AEN: variants seen among roughly 807,000 people sequenced by gnomAD.
AEN encodes apoptosis-enhancing nuclease.
In AEN, 21 loss-of-function variants were observed where a neutral mutation model predicts 17.7. The observed-to-expected ratio is 1.19, with a 90% CI of 0.84 to 1.71. The LOEUF is 1.71. AEN is among the 40% of genes most tolerant of loss of function. AEN has a pLI of 0.00. For synonymous variants in AEN, 190 were observed against 173.0 expected (o/e 1.10, Z -0.77); for missense variants, 462 against 435.9 (o/e 1.06, Z -0.53).
the AEN span, among the ~76,000 whole-genome samples, chr15:88,613,761 C>T: frequency 6.6e-6 from 1 of 151,936 alleles, no homozygotes; most frequent in Admixed American, 6.6e-5. Context: ...GTCTCAGATT[C>T]CTCAACTGTG....
chr15:88,620,919 G>A (rs555588707), upstream of AEN, among the ~76,000 whole-genome samples: 176 of 152,280 alleles, frequency 1.2e-3, no homozygotes, highest in African/African-American at 4.1e-3. Flanking sequence ...TGCCTACTGT[G>A]TATATTATTT....
At position 88,626,281 on chromosome 15, in the gene AEN, T is replaced by C; in HGVS notation, c.72T>C (p.Asp24=). The C allele has an allele frequency of 6.2e-7, 1 of 1,613,632 alleles. No individual in the cohort carries two copies. Among genetic ancestry groups the C allele is most frequent in the South Asian group, 1.1e-5 (1 of 91,050 alleles). ...CCCTCACCATCCCAAATGCCAAGGATGTGCTTCGGAAGAGGCACAAGAGAA... is the reference window on the plus strand; with the variant it reads ...CCCTCACCATCCCAAATGCCAAGGACGTGCTTCGGAAGAGGCACAAGAGAA... ...CPSLTIPNAK[D]VLRKRHKRRS... Residue 24 remains aspartate (D), a synonymous_variant, in exon 2 of 4, where the codon GAT becomes GAC. Transcript: ENST00000332810.
intron 2 of AEN, 80 bp from the exon 3 acceptor site, chr15:88,629,146 G>C (rs924327493): frequency 7.1e-7 from 1 of 1,405,896 alleles, no homozygotes; most frequent in African/African-American, 1.4e-5. Context: ...GCATCTATTG[G>C]CCAGGGGTTC....
At chr15:88,607,501 T>C in the AEN span, among the ~76,000 whole-genome samples, 3 of 152,212 alleles carry the variant, frequency 2.0e-5, no homozygotes, top group Admixed American at 2.0e-4. Flanking sequence ...CTGTGCACTG[T>C]TTCATCTCAA....
chr15:88,619,513 C>A (rs1190181116), upstream of AEN, among the ~76,000 whole-genome samples: 1 of 152,148 alleles, frequency 6.6e-6, no homozygotes, highest in African/African-American at 2.4e-5. Flanking sequence ...CATGGTGAAA[C>A]CCCATCTCTA....
At chr15:88,617,345 C>T (rs1177168809), upstream of AEN, among the ~76,000 whole-genome samples, 8 of 152,146 alleles carry the variant, frequency 5.3e-5, no homozygotes, top group African/African-American at 1.2e-4. Context: ...CCTCTATCTC[C>T]GGGGTGCAGG....
At chr15:88,612,571 T>TTTTATTTATTTA in the AEN span, among the ~76,000 whole-genome samples, 33 of 140,540 alleles carry the variant, frequency 2.3e-4, no homozygotes, top group East Asian at 1.1e-3. Context: ...TTTCCCAGCC[T>TTTTATTTATTTA]TTTATTTATT....
At chr15:88,611,767 A>G in the AEN span, 1 of 402,290 alleles carries the variant, frequency 2.5e-6, no homozygotes, top group African/African-American at 2.1e-5. Context: ...GAGCATCCAG[A>G]CCGCTGACCT....
intron 2 of AEN, chr15:88,627,083 C>T (rs80137828): frequency 0.02 from 5,540 of 283,642 alleles, 129 homozygotes; most frequent in African/African-American, 0.062. Flanking sequence ...AGTGGCATCA[C>T]GTTCAGGTAT....
Position 88,626,641 on chromosome 15 carries a change from C to G in AEN, c.432C>G (p.Asp144Glu). Residue 144 changes from aspartate (D) to glutamate (E), a missense_variant, in exon 2 of 4, where the codon GAC (aspartate) becomes GAG (glutamate). Coordinates refer to ENST00000332810, the MANE Select transcript of AEN (RefSeq NM_022767.4). ...IVSYHGNVLY[D>E]KYIRPEMPIA... ...GCTACCATGGCAATGTCCTCTATGA[C>G]AAGTACATCAGGCCTGAGATGCCCA... 2.5e-6 allele frequency: 4 copies of G among 1,614,010 alleles called. No homozygotes were observed. The highest frequency in any genetic ancestry group is 3.4e-6 in the Non-Finnish European group (4 of 1,180,008).
chr15:88,609,602 G>C, the AEN span, among the ~76,000 whole-genome samples: 2 of 152,282 alleles, frequency 1.3e-5, no homozygotes, highest in African/African-American at 4.8e-5. Context: ...TCTAAATTCA[G>C]AGGAAAGAAA....
At chr15:88,604,717 T>C in the AEN span, 1 of 152,224 alleles carries the variant, frequency 6.6e-6, no homozygotes, top group Non-Finnish European at 1.5e-5. The surrounding 1 kb of genome is among the most constrained non-coding windows in gnomAD (Gnocchi z 8.1). Flanking sequence ...CGGCGGACCA[T>C]GCCAGGACTA....
At chr15:88,613,557 G>C in the AEN span, among the ~76,000 whole-genome samples, 1 of 149,708 alleles carries the variant, frequency 6.7e-6, no homozygotes, top group African/African-American at 2.5e-5. Context: ...GGAACGGGGA[G>C]AGATTGTGTC....
In AEN at chr15:88,631,225, A is replaced by G. The variant is rs1246354119; in HGVS notation, c.*931A>G. On this transcript the variant is annotated 3_prime_UTR_variant, in exon 4 of 4. Coordinates refer to ENST00000332810, the MANE Select transcript of AEN (RefSeq NM_022767.4). ...TTATTAACAGCAGGGCCACTCGTCT[A>G]GGGCAGTGGAGTCTGCGTGTCTCCT... 2.2e-6 allele frequency: 1 copy of G among 450,868 alleles called. No homozygotes were observed. The highest frequency in any genetic ancestry group is 2.4e-5 in the Admixed American group (1 of 42,518). 27.9% of individuals were successfully genotyped at this position (450,868 alleles called of 1,614,324 possible).
At chr15:88,618,783 T>C (rs1260180205), upstream of AEN, among the ~76,000 whole-genome samples, 3 of 152,194 alleles carry the variant, frequency 2.0e-5, no homozygotes, top group Non-Finnish European at 4.4e-5. Flanking sequence ...TTATCTATAC[T>C]CATGTATTTA....
chr15:88,620,285 A>G (rs2057771690), upstream of AEN, among the ~76,000 whole-genome samples: 1 of 152,160 alleles, frequency 6.6e-6, no homozygotes, highest in Non-Finnish European at 1.5e-5. Context: ...CTGAAATAAT[A>G]GTAAGGTCAT....
At chr15:88,604,823 G>C in the AEN span, 3 of 152,492 alleles carry the variant, frequency 2.0e-5, no homozygotes, top group Non-Finnish European at 4.4e-5. This position sits in a 1 kb window ranked among gnomAD's most constrained non-coding sequence, Gnocchi z 8.1. Context: ...CCCGCACTGC[G>C]CTGCTACTTG....
At position 88,630,439 on chromosome 15, in the gene AEN, T is replaced by G; in HGVS notation, c.*145T>G. On this transcript the variant is annotated 3_prime_UTR_variant, in exon 4 of 4. Transcript: ENST00000332810. This position sits in a 1 kb window ranked among gnomAD's most constrained non-coding sequence, Gnocchi z 5.1. ...GGCCAGAGGAGTAGGGGTCATCTGTTACCTTGACACCCTCTGCACACAGCA... is the reference window on the plus strand; with the variant it reads ...GGCCAGAGGAGTAGGGGTCATCTGTGACCTTGACACCCTCTGCACACAGCA... 1.5e-6 allele frequency: 1 copy of G among 684,708 alleles called. No individual in the cohort carries two copies. Among genetic ancestry groups the G allele is most frequent in the Non-Finnish European group, 2.5e-6 (1 of 396,368 alleles). 42.4% of individuals were successfully genotyped at this position (684,708 alleles called of 1,614,324 possible).
At chr15:88,606,930 C>A in the AEN span, among the ~76,000 whole-genome samples, 1 of 150,662 alleles carries the variant, frequency 6.6e-6, no homozygotes, top group Non-Finnish European at 1.5e-5. Context: ...GAGCTGAGTT[C>A]CTATCCCCAC....
Sources: gnomAD v4.1 joint callset for allele counts (sites outside exome capture counted in the v4.1 genomes callset) on GRCh38, gnomAD v4.1.1 for gene constraint, Gnocchi (gnomAD v3.1) non-coding constraint, MANE v1.5 for transcripts, NCBI Gene and HGNC (gene_info 2026-07-23, HGNC 2026-07-21) for gene names.